MAGI1: variants seen among roughly 807,000 people sequenced by gnomAD.
MAGI1 encodes membrane associated guanylate kinase, WW and PDZ domain containing 1, also known as membrane-associated guanylate kinase, WW and PDZ domain-containing protein 1.
MAGI1 carries 58 observed loss-of-function variants against 139.9 expected under a neutral mutation model. The ratio of observed to expected loss-of-function variants is 0.41; its 90% CI spans 0.34 to 0.52. The LOEUF is 0.52. Among genes scored for constraint, MAGI1 ranks in the 20% least tolerant of loss-of-function variants. The probability of loss-of-function intolerance (pLI) is 0.12; values close to 1 mark genes in which losing one functional copy is unlikely to be tolerated. For synonymous variants in MAGI1, 812 were observed against 737.9 expected (o/e 1.10, Z -1.63); for missense variants, 1,874 against 1,901.6 (o/e 0.99, Z 0.27).
chr3:65,873,415 T>C (rs2060005178), intron 1 of MAGI1: 1 of 152,266 alleles, frequency 6.6e-6, no homozygotes, highest in South Asian at 2.1e-4. Context: ...AGTTAATTCC[T>C]ACTGCTTATT....
rs116559299 is a variant in MAGI1, at chr3:65,670,610, T to C, written c.314-48522A>G. Among the ~76,000 whole-genome samples, 933 of 152,288 alleles carry C rather than the reference T, an allele frequency of 6.1e-3. 9 individuals are homozygous for C. The highest frequency in any genetic ancestry group is 0.022 in the African/African-American group (918 of 41,556). On this transcript the variant is annotated intron_variant, in intron 1 of 22. Coordinates refer to ENST00000402939, the MANE Select transcript of MAGI1 (RefSeq NM_001033057.2). ...TTTACCTGCAATGAGTTTACAATCTTGCTAAGATTTTTTGCAAAGCTAATG... is the reference window on the plus strand; with the variant it reads ...TTTACCTGCAATGAGTTTACAATCTCGCTAAGATTTTTTGCAAAGCTAATG...
At chr3:65,692,793 TGAGCCCCCTTGCCATGTTATGTCCC>T (rs1330257770) in intron 1 of MAGI1, among the ~76,000 whole-genome samples, 1 of 152,164 alleles carries the variant, frequency 6.6e-6, no homozygotes, top group South Asian at 2.1e-4. Context: ...CTGTCTCTTG[TGAGCCCCCTTGCCATGTTATGTCCC>T]GAGCCACCTT....
intron 1 of MAGI1, among the ~76,000 whole-genome samples, chr3:65,927,442 C>T (rs1165616829): frequency 6.6e-6 from 1 of 152,174 alleles, no homozygotes; most frequent in Non-Finnish European, 1.5e-5. Context: ...GGATCCAAAG[C>T]CATTTAATGC....
At chr3:66,017,466 C>G (rs544908203) in intron 1 of MAGI1, among the ~76,000 whole-genome samples, 7 of 152,230 alleles carry the variant, frequency 4.6e-5, no homozygotes, top group Non-Finnish European at 1.0e-4. Context: ...AATGGTACAT[C>G]ACACCCTGAA....
chr3:65,601,822 C>G (rs1277895905), intron 2 of MAGI1, among the ~76,000 whole-genome samples: 1 of 151,460 alleles, frequency 6.6e-6, no homozygotes, highest in Non-Finnish European at 1.5e-5. Flanking sequence ...AAAAGACACC[C>G]ATGGAAAGAA....
chr3:66,013,827 G>A (rs926365342), intron 1 of MAGI1, among the ~76,000 whole-genome samples: 1 of 151,698 alleles, frequency 6.6e-6, no homozygotes, highest in East Asian at 1.9e-4. Flanking sequence ...AAGCATGTTA[G>A]GGCCAATGCT....
chr3:65,805,542 G>T (rs1009639464), intron 1 of MAGI1, among the ~76,000 whole-genome samples: 4 of 152,136 alleles, frequency 2.6e-5, no homozygotes, highest in Non-Finnish European at 2.9e-5. Context: ...ATTCCTCAAG[G>T]ATCTAGAACC....
intron 1 of MAGI1, among the ~76,000 whole-genome samples, chr3:65,685,716 A>G (rs759962147): frequency 1.3e-5 from 2 of 152,208 alleles, no homozygotes; most frequent in African/African-American, 2.4e-5. Flanking sequence ...TAGTAAAAAT[A>G]AGGCTTTCAG....
chr3:65,449,689 T>G (rs1200390015), intron 6 of MAGI1, among the ~76,000 whole-genome samples: 1 of 152,072 alleles, frequency 6.6e-6, no homozygotes, highest in Non-Finnish European at 1.5e-5. Flanking sequence ...GGCAGGAGAA[T>G]CGCTTGAACA....
At chr3:65,695,614 T>A (rs1388535982) in intron 1 of MAGI1, among the ~76,000 whole-genome samples, 1 of 152,228 alleles carries the variant, frequency 6.6e-6, no homozygotes, top group Non-Finnish European at 1.5e-5. Context: ...GCTTTTTTTA[T>A]GCTCAGTAGG....
chr3:65,364,270 C>A (rs1389172732), intron 20 of MAGI1, among the ~76,000 whole-genome samples: 1 of 151,918 alleles, frequency 6.6e-6, no homozygotes, highest in African/African-American at 2.4e-5. Flanking sequence ...TCTCCCTCGC[C>A]ATCCTGAGGA....
At chr3:65,842,872 C>T (rs982082476) in intron 1 of MAGI1, among the ~76,000 whole-genome samples, 1 of 152,154 alleles carries the variant, frequency 6.6e-6, no homozygotes, top group Non-Finnish European at 1.5e-5. Context: ...TACTCTTAGA[C>T]TGTGGAATAT....
At chr3:66,019,387 A>C (rs1002399364) in intron 1 of MAGI1, among the ~76,000 whole-genome samples, 2 of 152,136 alleles carry the variant, frequency 1.3e-5, no homozygotes, top group Non-Finnish European at 2.9e-5. Flanking sequence ...AGATGTAACA[A>C]TCAAAACTGT....
chr3:65,730,051 G>A (rs2034026917), intron 1 of MAGI1, among the ~76,000 whole-genome samples: 1 of 152,178 alleles, frequency 6.6e-6, no homozygotes, highest in African/African-American at 2.4e-5. Context: ...CTCAGCATCT[G>A]TCTTTCTTTC....
chr3:65,428,995 A>G (rs1394345836), intron 12 of MAGI1, among the ~76,000 whole-genome samples: 2 of 152,206 alleles, frequency 1.3e-5, no homozygotes, highest in African/African-American at 4.8e-5. Context: ...AAAAGCAGCC[A>G]GTGTGGCTAA....
At chr3:65,950,106 A>AAAAAAAC (rs796698272) in intron 1 of MAGI1, among the ~76,000 whole-genome samples, 9 of 84,202 alleles carry the variant, frequency 1.1e-4, no homozygotes, top group Admixed American at 1.7e-4. Context: ...AAAAAAAAAA[A>AAAAAAAC]CAGAACTAGC....
At chr3:65,688,796 T>G (rs1321740505) in intron 1 of MAGI1, among the ~76,000 whole-genome samples, 2 of 152,148 alleles carry the variant, frequency 1.3e-5, no homozygotes, top group African/African-American at 4.8e-5. Context: ...TAACTAATAC[T>G]TAGCAGGATG....
In MAGI1 at chr3:65,868,870, C is replaced by A. The variant is rs541338772; in HGVS notation, c.313+169126G>T. On this transcript the variant is annotated intron_variant, in intron 1 of 22. Transcript: ENST00000402939. ...ACTTCTCGACAAAGTCCACCCTGAT[C>A]ACCCCATGTAATACTACCACCTGCT... Among the ~76,000 whole-genome samples, 4 of 152,230 alleles carry A rather than the reference C, an allele frequency of 2.6e-5. No individual in the cohort carries two copies. The East Asian group carries it at 7.7e-4, about 29-fold the overall frequency.
intron 2 of MAGI1, among the ~76,000 whole-genome samples, chr3:65,510,034 G>C (rs1372459887): frequency 6.6e-6 from 1 of 152,014 alleles, no homozygotes; most frequent in African/African-American, 2.4e-5. Context: ...GCAGCCCCCA[G>C]CAGGGGCACA....
Sources: allele counts gnomAD v4.1 joint callset (sites outside exome capture counted in the v4.1 genomes callset), GRCh38; gene constraint gnomAD v4.1.1; transcripts MANE v1.5; gene names NCBI Gene and HGNC (gene_info 2026-07-23, HGNC 2026-07-21).